Variants in SERPINI1 observed in about 807,000 individuals in gnomAD.
The protein encoded by SERPINI1 is neuroserpin.
In SERPINI1, 19 loss-of-function variants were observed where a neutral mutation model predicts 41.1. That is an observed-to-expected ratio of 0.46 (90% CI 0.32 to 0.68). The LOEUF (loss-of-function observed/expected upper bound fraction) is 0.68, where lower values mean the gene tolerates loss of function less well. SERPINI1 is among the 30% of genes least tolerant of loss of function. The pLI is 0.03. For synonymous variants in SERPINI1, 138 were observed against 156.6 expected (o/e 0.88, Z 0.89); for missense variants, 460 against 479.2 (o/e 0.96, Z 0.37).
chr3:167,793,606 A>T (rs1727606116), intron 4 of SERPINI1, among the ~76,000 whole-genome samples: 1 of 101,414 alleles, frequency 9.9e-6, no homozygotes. Context: ...ATTTTTAATT[A>T]GCTAGGCATA....
intron 6 of SERPINI1, among the ~76,000 whole-genome samples, chr3:167,822,105 T>G (rs1201458535): frequency 6.6e-6 from 1 of 152,212 alleles, no homozygotes; most frequent in East Asian, 1.9e-4. Flanking sequence ...CTGAGCACCA[T>G]GGCTCAGCCA....
intron 3 of SERPINI1, among the ~76,000 whole-genome samples, chr3:167,790,810 A>G (rs1727480716): frequency 6.6e-6 from 1 of 152,204 alleles, no homozygotes; most frequent in Admixed American, 6.5e-5. Flanking sequence ...CTTTTGGCAT[A>G]TATAGAATTT....
At chr3:167,820,347 G>A (rs991366514) in intron 6 of SERPINI1, among the ~76,000 whole-genome samples, 3 of 152,200 alleles carry the variant, frequency 2.0e-5, no homozygotes, top group Non-Finnish European at 2.9e-5. Context: ...CTGAGTTGGA[G>A]AGGCGGGAGC....
chr3:167,813,462 C>G (rs1229889232), intron 6 of SERPINI1, among the ~76,000 whole-genome samples: 2 of 152,202 alleles, frequency 1.3e-5, no homozygotes, highest in African/African-American at 2.4e-5. Context: ...GAGATCCCCA[C>G]TGGGGATGTA....
chr3:167,787,526 C>G (rs988010577), intron 1 of SERPINI1, among the ~76,000 whole-genome samples: 106 of 152,308 alleles, frequency 7.0e-4, no homozygotes, highest in African/African-American at 2.5e-3. Flanking sequence ...CCAACGGTGG[C>G]TGAAATCAGT....
At chr3:167,793,962 C>T (rs1401857921) in intron 4 of SERPINI1, among the ~76,000 whole-genome samples, 1 of 151,240 alleles carries the variant, frequency 6.6e-6, no homozygotes, top group East Asian at 1.9e-4. Flanking sequence ...AATATAATAG[C>T]TAAATATTAT....
intron 7 of SERPINI1, among the ~76,000 whole-genome samples, chr3:167,824,219 A>G (rs746901289): frequency 6.6e-6 from 1 of 151,762 alleles, no homozygotes; most frequent in Non-Finnish European, 1.5e-5. Context: ...TATTATTTTT[A>G]ATGGAGTAGA....
In SERPINI1 at chr3:167,792,587, T is replaced by C; in HGVS notation, c.482-3T>C. 6.2e-7 allele frequency: 1 copy of C among 1,612,816 alleles called. No individual in the cohort carries two copies. Among genetic ancestry groups the C allele is most frequent in the African/African-American group, 1.3e-5 (1 of 75,000 alleles). On this transcript the variant is annotated splice_polypyrimidine_tract_variant and splice_region_variant and intron_variant, in intron 3 of 8. Transcript: ENST00000446050. The stretch of plus-strand genomic sequence containing the variant: ...TTTTATCTATTCATTTTTTCCTAAA[T>C]AGATCTGGTGAAAGATTTGGTATCC...
rs138022104 is a variant in SERPINI1, at chr3:167,824,481, G to A, written c.1075G>A (p.Ala359Thr). The part of the protein sequence containing the change: ...SEAAAVSGMI[A>T]ISRMAVLYPQ... ...TTTTATCTGCACTGTAGGAATGATT[G>A]CAATTAGTAGGATGGCTGTGCTGTA... Residue 359 changes from alanine (A) to threonine (T), a missense_variant, in exon 8 of 9, where the codon GCA becomes ACA. Ala to Thr is a moderately conservative substitution (Grantham distance 58). Transcript: ENST00000446050. 2 of 1,612,728 alleles carry A rather than the reference G, an allele frequency of 1.2e-6. No homozygotes were observed. The highest frequency in any genetic ancestry group is 2.7e-5 in the African/African-American group (2 of 74,918).
At chr3:167,803,010 A>G (rs1374677987) in intron 5 of SERPINI1, among the ~76,000 whole-genome samples, 3 of 151,966 alleles carry the variant, frequency 2.0e-5, no homozygotes, top group African/African-American at 7.3e-5. Context: ...CATCATTCTC[A>G]GTAAACTATC....
chr3:167,791,627 G>T (rs1727517492), intron 3 of SERPINI1, among the ~76,000 whole-genome samples: 1 of 152,254 alleles, frequency 6.6e-6, no homozygotes, highest in East Asian at 1.9e-4. Flanking sequence ...GACACGTTTA[G>T]CAAACAGCAA....
At chr3:167,801,960 GA>G (rs1157372696) in intron 5 of SERPINI1, among the ~76,000 whole-genome samples, 2 of 152,064 alleles carry the variant, frequency 1.3e-5, no homozygotes, top group Non-Finnish European at 2.9e-5. Flanking sequence ...AGAGCCCTCA[GA>G]AATAATGCCG....
intron 1 of SERPINI1, among the ~76,000 whole-genome samples, chr3:167,782,422 G>A (rs985156319): frequency 6.6e-6 from 1 of 152,140 alleles, no homozygotes; most frequent in African/African-American, 2.4e-5. Context: ...AAGTAGATTA[G>A]CCTTAATAAT....
chr3:167,783,522 T>C (rs1187628788), intron 1 of SERPINI1, among the ~76,000 whole-genome samples: 4 of 152,138 alleles, frequency 2.6e-5, no homozygotes, highest in Non-Finnish European at 4.4e-5. Context: ...TTAATAGATA[T>C]AATAGTTGAA....
At chr3:167,818,276 C>T (rs1045499362) in intron 6 of SERPINI1, among the ~76,000 whole-genome samples, 10 of 151,928 alleles carry the variant, frequency 6.6e-5, no homozygotes, top group African/African-American at 2.2e-4. Context: ...TATCTGCCCA[C>T]CTTAGCCTCC....
rs145614746 is a variant in SERPINI1 at position 167,757,028 on chromosome 3, A to C, written c.-19+21205A>C. Among the ~76,000 whole-genome samples, 1,003 of 152,330 alleles carry C rather than the reference A, an allele frequency of 6.6e-3. 16 individuals are homozygous for C. The highest frequency in any genetic ancestry group is 0.023 in the African/African-American group (972 of 41,578). ...TAAAACAGCTACAAAGGATTTATTA[A>C]AGAGAGAAAAGTGCATCTATTACTG... On this transcript the variant is annotated intron_variant, in intron 1 of 8. Transcript: ENST00000446050.
intron 5 of SERPINI1, among the ~76,000 whole-genome samples, chr3:167,796,768 A>C (rs975243147): frequency 2.0e-5 from 3 of 151,874 alleles, no homozygotes; most frequent in Admixed American, 2.0e-4. Flanking sequence ...CTTGATGGGC[A>C]TGGCATTTTG....
chr3:167,765,186 C>T (rs1726519526), intron 1 of SERPINI1, among the ~76,000 whole-genome samples: 1 of 152,210 alleles, frequency 6.6e-6, no homozygotes, highest in Non-Finnish European at 1.5e-5. Flanking sequence ...GAGGCTCCAA[C>T]CCCACATTTC....
At chr3:167,817,891 G>T (rs983382153) in intron 6 of SERPINI1, among the ~76,000 whole-genome samples, 2 of 151,322 alleles carry the variant, frequency 1.3e-5, no homozygotes, top group South Asian at 2.1e-4. Context: ...GAGCCACCGC[G>T]CCCGGCCAAA....
Sources: gnomAD v4.1 joint callset for allele counts (sites outside exome capture counted in the v4.1 genomes callset) on GRCh38, gnomAD v4.1.1 for gene constraint, MANE v1.5 for transcripts, NCBI Gene and HGNC (gene_info 2026-07-23, HGNC 2026-07-21) for gene names.